Variants in CCDC57 observed in about 807,000 individuals in gnomAD.
CCDC57 encodes the protein coiled-coil domain-containing protein 57.
A neutral mutation model predicts 118.9 loss-of-function variants in CCDC57; 118 were observed. That is an observed-to-expected ratio of 0.99 (90% confidence interval 0.86 to 1.16). The LOEUF is 1.16. CCDC57 is among the 50% of genes most tolerant of loss of function. The pLI is 0.00. For missense variants in CCDC57, 1,300 were observed against 1,320.7 expected (o/e 0.98, Z 0.24); for synonymous variants, 527 against 532.9 (o/e 0.99, Z 0.15).
At chr17:82,170,248 G>A (rs927124054) in intron 13 of CCDC57, among the ~76,000 whole-genome samples, 1 of 152,142 alleles carries the variant, frequency 6.6e-6, no homozygotes, top group Non-Finnish European at 1.5e-5. Context: ...GGTGTCTCAC[G>A]CCTGTCATCC....
intron 1 of CCDC57, among the ~76,000 whole-genome samples, chr17:82,210,221 A>C (rs4789665): frequency 0.49 from 74,031 of 151,692 alleles, 18,875 homozygotes; most frequent in East Asian, 0.88. Flanking sequence ...CGCCCCTGCA[A>C]GCCAGCCTGG....
In CCDC57 at chr17:82,157,738, G is replaced by A. The variant is rs771426731; in HGVS notation, c.2241+10C>T. The A allele has an allele frequency of 2.5e-5, 39 of 1,577,508 alleles. No individual in the cohort carries two copies. Among genetic ancestry groups the A allele is most frequent in the African/African-American group, 2.0e-4 (15 of 74,236 alleles). ...TCGGCGGGTGGCAGGAGGAGCTAGC[G>A]GGCACCCACCTCTCTCCCAAGGGCC... On this transcript the variant is annotated intron_variant, in intron 15 of 19. Coordinates refer to ENST00000665763, the Ensembl canonical transcript of CCDC57.
chr17:82,189,660 G>A (rs1007642087), intron 7 of CCDC57, among the ~76,000 whole-genome samples: 2 of 152,082 alleles, frequency 1.3e-5, no homozygotes, highest in African/African-American at 2.4e-5. Context: ...GACCAGCCTG[G>A]CCAACATGGC....
intron 8 of CCDC57, among the ~76,000 whole-genome samples, chr17:82,184,266 C>T (rs1362046219): frequency 6.6e-6 from 1 of 152,056 alleles, no homozygotes; most frequent in East Asian, 1.9e-4. Flanking sequence ...TGAGGCATGA[C>T]ATGCCTCCCA....
In CCDC57 at chr17:82,193,556, CAAGCAAGA is replaced by C. The variant is rs755395665; in HGVS notation, c.851+192_851+199del. Reference sequence around the variant, plus strand: ...CAAGACCCTGTCAAAAAAAAAAAAGCAAGCAAGAAAGCAAGAAAGCAAGCAAGCAAGAA... The same window carrying C: ...CAAGACCCTGTCAAAAAAAAAAAAGCAAGCAAGAAAGCAAGCAAGCAAGAA... On this transcript the variant is annotated intron_variant, in intron 7 of 19. Transcript: ENST00000665763. Among the ~76,000 whole-genome samples the C allele has an allele frequency of 1.2e-3, 185 of 150,934 alleles. 1 individual carries two copies. Among genetic ancestry groups the C allele is most frequent in the Non-Finnish European group, 2.3e-3 (156 of 67,668 alleles).
chr17:82,211,722 G>A (rs1311983964), intron 1 of CCDC57, among the ~76,000 whole-genome samples: 1 of 151,852 alleles, frequency 6.6e-6, no homozygotes, highest in Non-Finnish European at 1.5e-5. Flanking sequence ...TGGTTTCTTC[G>A]CTTGCAGCCC....
chr17:82,166,376 G>C (rs1342104584), intron 13 of CCDC57, among the ~76,000 whole-genome samples: 1 of 150,064 alleles, frequency 6.7e-6, no homozygotes, highest in Non-Finnish European at 1.5e-5. Context: ...GCTAGGCATG[G>C]AGGTGGTATG....
chr17:82,172,923 G>A lies in CCDC57; in HGVS notation c.1507-63C>T. On this transcript the variant is annotated intron_variant, in intron 11 of 19. Transcript: ENST00000665763. The surrounding 1 kb of genome is among the most constrained non-coding windows in gnomAD (Gnocchi z 5.2). Reference sequence around the variant, plus strand: ...ATGGTTCCCCAGCTTGTCCTGACAGGCTGTGCCTCCGCTCTCCCCGCGCCC... The same window carrying A: ...ATGGTTCCCCAGCTTGTCCTGACAGACTGTGCCTCCGCTCTCCCCGCGCCC... 1 of 1,461,666 alleles carries A rather than the reference G, an allele frequency of 6.8e-7. No homozygotes were observed. Among genetic ancestry groups the A allele is most frequent in the Non-Finnish European group, 9.4e-7 (1 of 1,065,000 alleles). The allele number at this position is 1,461,666 out of a possible 1,614,324, so 90.5% of individuals were successfully genotyped here.
intron 19 of CCDC57, among the ~76,000 whole-genome samples, chr17:82,105,341 G>A (rs989337516): frequency 8.5e-5 from 13 of 152,268 alleles, no homozygotes; most frequent in African/African-American, 1.7e-4. Flanking sequence ...GGGTCCTCAC[G>A]CACCCAAGAT....
intron 19 of CCDC57, among the ~76,000 whole-genome samples, chr17:82,119,204 G>C (rs1468329490): frequency 6.6e-6 from 1 of 151,920 alleles, no homozygotes; most frequent in Non-Finnish European, 1.5e-5. Flanking sequence ...GGAGAAAACT[G>C]CTGCCTTTGT....
chr17:82,191,063 A>G (rs1255349328), intron 7 of CCDC57, among the ~76,000 whole-genome samples: 1 of 151,988 alleles, frequency 6.6e-6, no homozygotes, highest in Non-Finnish European at 1.5e-5. Flanking sequence ...AGGATGTCCA[A>G]TGGTGCCAAT....
intron 3 of CCDC57, among the ~76,000 whole-genome samples, chr17:82,200,271 G>C (rs901374129): frequency 6.6e-6 from 1 of 152,196 alleles, no homozygotes; most frequent in Non-Finnish European, 1.5e-5. Context: ...GCAGAACCCA[G>C]CGCACTGACA....
At chr17:82,195,136 G>A in intron 5 of CCDC57, 127 bp downstream of exon 4, 1 of 731,648 alleles carries the variant, frequency 1.4e-6, no homozygotes. Context: ...CGCTGGGCTT[G>A]AACTCCTGGG....
At chr17:82,196,820 T>A (rs1390034545) in intron 4 of CCDC57, among the ~76,000 whole-genome samples, 2 of 150,582 alleles carry the variant, frequency 1.3e-5, no homozygotes, top group East Asian at 4.0e-4. Flanking sequence ...CAGCCCCTCA[T>A]GACTCCTGCA....
At chr17:82,190,101 CCTCTCAAGGTTCTTCATATCCCAGCATAG>C (rs2047476849) in intron 7 of CCDC57, among the ~76,000 whole-genome samples, 2 of 82,180 alleles carry the variant, frequency 2.4e-5, no homozygotes, top group Non-Finnish European at 5.0e-5. Flanking sequence ...TATAGAGTGA[CCTCTCAAGGTTCTTCATATCCCAGCATAG>C]AGTGACTTCT....
intron 19 of CCDC57, among the ~76,000 whole-genome samples, chr17:82,106,978 T>G (rs1939128726): frequency 6.6e-6 from 1 of 152,198 alleles, no homozygotes; most frequent in African/African-American, 2.4e-5. Context: ...GGAACAGCAC[T>G]GCCTGCCACT....
chr17:82,174,421 C>T (rs1160025101), intron 11 of CCDC57, among the ~76,000 whole-genome samples: 1 of 152,252 alleles, frequency 6.6e-6, no homozygotes, highest in Non-Finnish European at 1.5e-5. Context: ...TCTCTTTAAT[C>T]ACCTAGCCTT....
chr17:82,211,011 A>AAAAAAAAAAAAAAAAAAAG (rs2050147822), intron 1 of CCDC57, among the ~76,000 whole-genome samples: 2 of 15,232 alleles, frequency 1.3e-4, no homozygotes, highest in African/African-American at 2.0e-4. Flanking sequence ...AAAAAAAAAG[A>AAAAAAAAAAAAAAAAAAAG]AAAAAAAAAA....
intron 19 of CCDC57, among the ~76,000 whole-genome samples, chr17:82,115,834 G>C (rs1314649454): frequency 9.0e-6 from 1 of 110,770 alleles, no homozygotes; most frequent in Non-Finnish European, 1.7e-5. Flanking sequence ...GTCTCACTCT[G>C]TCGCCCAGGC....
Sources: allele counts gnomAD v4.1 joint callset (sites outside exome capture counted in the v4.1 genomes callset), GRCh38; gene constraint gnomAD v4.1.1; non-coding constraint Gnocchi (gnomAD v3.1); transcripts MANE v1.5; gene names NCBI Gene and HGNC (gene_info 2026-07-23, HGNC 2026-07-21).